SLC35F3: variants seen among roughly 807,000 people sequenced by gnomAD.
SLC35F3 encodes the protein putative thiamine transporter SLC35F3.
Under a neutral mutation model 49.9 loss-of-function variants are expected in SLC35F3, and 25 were observed. The observed-to-expected ratio is 0.50, with a 90% CI of 0.37 to 0.70. The LOEUF (loss-of-function observed/expected upper bound fraction) is 0.70. Ranked by LOEUF, SLC35F3 falls within the 30% of genes least tolerant of loss-of-function variation. The probability of loss-of-function intolerance (pLI) is 0.00; values close to 1 mark genes in which losing one functional copy is unlikely to be tolerated. For synonymous variants in SLC35F3, 275 were observed against 265.4 expected (o/e 1.04, Z -0.35); for missense variants, 525 against 639.8 (o/e 0.82, Z 1.94).
intron 2 of SLC35F3, among the ~76,000 whole-genome samples, chr1:234,029,045 A>G (rs977290992): frequency 1.3e-5 from 2 of 152,232 alleles, no homozygotes; most frequent in African/African-American, 4.8e-5. Context: ...TGCTCCTGAA[A>G]ATTTACTTAT....
intron 2 of SLC35F3, among the ~76,000 whole-genome samples, chr1:234,020,566 T>TTAG (rs1663876640): frequency 6.6e-6 from 1 of 152,168 alleles, no homozygotes; most frequent in African/African-American, 2.4e-5. Context: ...GTGGGATAAA[T>TTAG]TAGGTTGCTT....
intron 3 of SLC35F3, among the ~76,000 whole-genome samples, chr1:234,305,752 G>A (rs865781138): frequency 1.3e-5 from 2 of 152,144 alleles, no homozygotes; most frequent in African/African-American, 2.4e-5. Flanking sequence ...AAAAGTTTTC[G>A]TTTCCCACTC....
intron 3 of SLC35F3, among the ~76,000 whole-genome samples, chr1:234,245,285 C>T (rs935752204): frequency 4.6e-5 from 7 of 152,200 alleles, no homozygotes; most frequent in African/African-American, 1.7e-4. Flanking sequence ...CATGTTGCTG[C>T]AAATGACATG....
chr1:233,943,054 A>G (rs1423138919), intron 2 of SLC35F3, among the ~76,000 whole-genome samples: 1 of 152,246 alleles, frequency 6.6e-6, no homozygotes, highest in African/African-American at 2.4e-5. Flanking sequence ...TCAATACCCA[A>G]GATATGAAAC....
At chr1:234,221,213 G>T (rs1667199776) in intron 2 of SLC35F3, among the ~76,000 whole-genome samples, 1 of 152,112 alleles carries the variant, frequency 6.6e-6, no homozygotes, top group South Asian at 2.1e-4. Flanking sequence ...GGGCATTACT[G>T]GATACTTGGT....
rs529479453 is a variant in SLC35F3, at chr1:234,119,863, A to G, written c.284-111554A>G. On this transcript the variant is annotated intron_variant, in intron 2 of 7. Coordinates refer to ENST00000366618, the MANE Select transcript of SLC35F3 (RefSeq NM_173508.4). Reference sequence around the variant, plus strand: ...ATATGCACTATTTTCTTTTTCGCACACACACACTCAATTTACAGCCTCTAA... The same window carrying G: ...ATATGCACTATTTTCTTTTTCGCACGCACACACTCAATTTACAGCCTCTAA... Among the ~76,000 whole-genome samples, 12 of 152,334 alleles carry G rather than the reference A, an allele frequency of 7.9e-5. No individual in the cohort carries two copies. In the East Asian group the frequency reaches 2.3e-3, roughly 29 times the overall value.
At chr1:234,314,107 G>T (rs528709702) in intron 4 of SLC35F3, among the ~76,000 whole-genome samples, 70 of 152,316 alleles carry the variant, frequency 4.6e-4, no homozygotes, top group African/African-American at 1.6e-3. Flanking sequence ...GTGCCTTGTG[G>T]GCGGGACCCC....
At chr1:234,185,879 G>A (rs1278795986) in intron 2 of SLC35F3, among the ~76,000 whole-genome samples, 1 of 152,156 alleles carries the variant, frequency 6.6e-6, no homozygotes, top group Non-Finnish European at 1.5e-5. Context: ...GTCCCCTTTT[G>A]TTTCAAATTC....
intron 2 of SLC35F3, among the ~76,000 whole-genome samples, chr1:233,985,212 A>G (rs564730549): frequency 9.8e-5 from 15 of 152,340 alleles, no homozygotes; most frequent in South Asian, 8.3e-4. Context: ...ATGTCGTCAT[A>G]TCTTCTGATT....
intron 2 of SLC35F3, among the ~76,000 whole-genome samples, chr1:234,182,524 CTGCATGTAATACATAT>C (rs1469642897): frequency 6.6e-6 from 1 of 152,186 alleles, no homozygotes; most frequent in Non-Finnish European, 1.5e-5. Context: ...GGTATTTGTG[CTGCATGTAATACATAT>C]CCTGTGCATA....
intron 3 of SLC35F3, among the ~76,000 whole-genome samples, chr1:234,251,464 C>CAAA (rs56891961): frequency 2.4e-5 from 3 of 123,808 alleles, no homozygotes; most frequent in African/African-American, 6.1e-5. Flanking sequence ...CAAACTAAAC[C>CAAA]AAAAAAAAAA....
rs1390265528 is a variant in SLC35F3 at position 234,048,852 on chromosome 1, T to C, written c.283+143094T>C. ...TAAGATTTAGTGTAACTTGCCTTGA[T>C]AGGTCTTCACCTTCCTTGGGACCAA... On this transcript the variant is annotated intron_variant, in intron 2 of 7. Transcript: ENST00000366618. Among the ~76,000 whole-genome samples, 3 of 152,262 alleles carry C rather than the reference T, an allele frequency of 2.0e-5. No homozygotes were observed. In the East Asian group the frequency reaches 5.8e-4, roughly 29 times the overall value.
chr1:234,217,307 A>C (rs10910384), intron 2 of SLC35F3, among the ~76,000 whole-genome samples: 44,271 of 152,206 alleles, frequency 0.29, 8,059 homozygotes, highest in East Asian at 0.82. Flanking sequence ...TACTCAACAA[A>C]TACTTCATCC....
At chr1:234,259,549 CTG>C (rs1383173829) in intron 3 of SLC35F3, among the ~76,000 whole-genome samples, 1 of 152,078 alleles carries the variant, frequency 6.6e-6, no homozygotes, top group Non-Finnish European at 1.5e-5. Flanking sequence ...GTGTGCGTAC[CTG>C]TAGTCCCAGC....
At chr1:234,047,878 A>G (rs1338688175) in intron 2 of SLC35F3, among the ~76,000 whole-genome samples, 1 of 152,204 alleles carries the variant, frequency 6.6e-6, no homozygotes, top group Non-Finnish European at 1.5e-5. Context: ...CAGAAAGGTA[A>G]GAAGAGAATT....
chr1:234,139,416 AAGAT>A (rs1665856695), intron 2 of SLC35F3, among the ~76,000 whole-genome samples: 1 of 152,214 alleles, frequency 6.6e-6, no homozygotes, highest in South Asian at 2.1e-4. Context: ...AGATCCCAAA[AAGAT>A]AGACACATTA....
chr1:233,933,813 A>G (rs975807173), intron 2 of SLC35F3, among the ~76,000 whole-genome samples: 2 of 152,326 alleles, frequency 1.3e-5, no homozygotes, highest in African/African-American at 4.8e-5. Context: ...AGATGGTGCC[A>G]TTGCATTCCA....
At position 234,248,894 on chromosome 1, in the gene SLC35F3, C is replaced by T. The variant is rs968197924; in HGVS notation, c.608+17153C>T. Among the ~76,000 whole-genome samples the T allele has an allele frequency of 2.0e-5, 3 of 152,204 alleles. No homozygotes were observed. The East Asian group carries it at 5.8e-4, about 29-fold the overall frequency. On this transcript the variant is annotated intron_variant, in intron 3 of 7. Coordinates refer to ENST00000366618, the MANE Select transcript of SLC35F3 (RefSeq NM_173508.4). ...CAGAGTGAAGGCCAGGTGAAAACCT[C>T]ACCTGTGCAGCCACCAGGGAAACCT...
chr1:234,303,718 A>G (rs1356396844), intron 3 of SLC35F3, among the ~76,000 whole-genome samples: 3 of 152,156 alleles, frequency 2.0e-5, no homozygotes, highest in African/African-American at 4.8e-5. Context: ...ATGAAATTAC[A>G]ATTTCCTATT....
Sources: allele counts gnomAD v4.1 joint callset (sites outside exome capture counted in the v4.1 genomes callset), GRCh38; gene constraint gnomAD v4.1.1; transcripts MANE v1.5; gene names NCBI Gene and HGNC (gene_info 2026-07-23, HGNC 2026-07-21).